The following USP18 variants were observed in gnomAD, a reference collection of about 807,000 sequenced individuals.
USP18 encodes ubl carboxyl-terminal hydrolase 18.
USP18 carries 11 observed loss-of-function variants against 48.7 expected under a neutral mutation model. The observed-to-expected ratio is 0.23, with a 90% CI of 0.14 to 0.37. USP18 has a LOEUF of 0.37. Among genes scored for constraint, USP18 ranks in the 10% least tolerant of loss-of-function variants. The pLI is 1.00. For missense variants in USP18, 285 were observed against 436.4 expected, an observed-to-expected ratio of 0.65 and a Z score of 3.09; for synonymous variants, 114 against 163.2, an observed-to-expected ratio of 0.70 and a Z score of 2.30.
chr22:18,160,242 T>C lies in USP18; in HGVS notation c.228T>C (p.Asn76=). The C allele has an allele frequency of 1.2e-6, 2 of 1,614,188 alleles. No homozygotes were observed. Among genetic ancestry groups the C allele is most frequent in the African/African-American group, 1.3e-5 (1 of 75,056 alleles). Reference sequence around the variant, plus strand: ...CCTTGATTCAGGTGTTCGTAATGAATGTGGACTTCACCAGGATATTGAAGA... The same window carrying C: ...CCTTGATTCAGGTGTTCGTAATGAACGTGGACTTCACCAGGATATTGAAGA... ...LNSLIQVFVM[N]VDFTRILKRI... is the part of the protein sequence containing the mutation. Residue 76 remains asparagine (N), a synonymous_variant, in exon 3 of 11, where the codon AAT becomes AAC. Transcript: ENST00000215794.
chr22:18,154,523 T>G (rs1355876721), intron 1 of USP18, among the ~76,000 whole-genome samples: 2 of 152,184 alleles, frequency 1.3e-5, no homozygotes, highest in Non-Finnish European at 2.9e-5. Context: ...CATAGTTCAG[T>G]GCAGCCTCAA....
At chr22:18,159,571 C>T (rs867594777) in intron 2 of USP18, among the ~76,000 whole-genome samples, 8 of 151,134 alleles carry the variant, frequency 5.3e-5, no homozygotes, top group Middle Eastern at 3.4e-3. Flanking sequence ...GATCTTGGCT[C>T]ACTGCAACCT....
At chr22:18,172,159 T>A (rs1490767918) in intron 8 of USP18, among the ~76,000 whole-genome samples, 1 of 152,146 alleles carries the variant, frequency 6.6e-6, no homozygotes, top group Non-Finnish European at 1.5e-5. Flanking sequence ...AAGTGTGTAG[T>A]GAAGGAAGAG....
At chr22:18,172,801 G>T (rs925398433) in intron 8 of USP18, among the ~76,000 whole-genome samples, 3 of 150,440 alleles carry the variant, frequency 2.0e-5, no homozygotes, top group Non-Finnish European at 3.0e-5. Context: ...GGCTGGGTAC[G>T]GTGGCTCAGG....
intron 4 of USP18, among the ~76,000 whole-genome samples, chr22:18,162,191 A>G (rs1425677397): frequency 1.3e-5 from 2 of 152,348 alleles, no homozygotes; most frequent in African/African-American, 2.4e-5. Flanking sequence ...ATCTCCTCCA[A>G]GCTTATTCCA....
At position 18,167,876 on chromosome 22, in the gene USP18, T is replaced by C; in HGVS notation, c.481-14T>C. ...TGGTGTTCCCATCTCACCTCTCCGC[T>C]CTCCCTCTTGCAGGTGGAGAGACTG... On this transcript the variant is annotated splice_polypyrimidine_tract_variant and intron_variant, in intron 5 of 10. Coordinates refer to ENST00000215794, the MANE Select transcript of USP18 (RefSeq NM_017414.4). The C allele has an allele frequency of 1.2e-6, 2 of 1,610,892 alleles. No homozygotes were observed. The highest frequency in any genetic ancestry group is 1.7e-4 in the Middle Eastern group (1 of 6,054).
chr22:18,152,395 C>T (rs1929022421), intron 1 of USP18, among the ~76,000 whole-genome samples: 1 of 151,126 alleles, frequency 6.6e-6, no homozygotes, highest in African/African-American at 2.4e-5. Flanking sequence ...CAGTTCCTTC[C>T]GTTGCTCACC....
intron 1 of USP18, among the ~76,000 whole-genome samples, chr22:18,156,257 TAAAACAGACC>T (rs1006452513): frequency 1.3e-5 from 2 of 151,956 alleles, no homozygotes; most frequent in African/African-American, 4.8e-5. Context: ...CAGCTCTCTG[TAAAACAGACC>T]AATTGGCTGT....
intron 8 of USP18, among the ~76,000 whole-genome samples, chr22:18,172,151 G>T (rs1022967086): frequency 1.3e-5 from 2 of 152,152 alleles, no homozygotes; most frequent in African/African-American, 4.8e-5. Context: ...AGATACCAAA[G>T]TGTGTAGTGA....
At chr22:18,172,794 T>C (rs2123742244) in intron 8 of USP18, among the ~76,000 whole-genome samples, 1 of 150,726 alleles carries the variant, frequency 6.6e-6, no homozygotes, top group Non-Finnish European at 1.5e-5. Flanking sequence ...CTTTTTTGGC[T>C]GGGTACGGTG....
chr22:18,174,696 C>T (rs780205962), intron 10 of USP18, among the ~76,000 whole-genome samples: 69 of 151,944 alleles, frequency 4.5e-4, no homozygotes, highest in Non-Finnish European at 8.1e-4. Flanking sequence ...ACAGGTGATC[C>T]TCCCACCTCA....
At chr22:18,164,370 G>A (rs1428761686) in intron 4 of USP18, among the ~76,000 whole-genome samples, 1 of 152,138 alleles carries the variant, frequency 6.6e-6, no homozygotes, top group African/African-American at 2.4e-5. Flanking sequence ...GCCCCTGTGG[G>A]ACTTACAAAT....
chr22:18,163,381 C>T (rs549969683), intron 4 of USP18, among the ~76,000 whole-genome samples: 15 of 152,182 alleles, frequency 9.9e-5, no homozygotes, highest in African/African-American at 1.4e-4. Context: ...CGGTGGCTCA[C>T]GCCTGTAATC....
chr22:18,167,752 C>T (rs1462377740), intron 5 of USP18, 138 bp from the exon 6 acceptor site: 17 of 831,254 alleles, frequency 2.0e-5, no homozygotes, highest in Non-Finnish European at 2.7e-5. Context: ...ACACTTATCA[C>T]AGTTTCATAA....
rs1929215806 is a variant in USP18 at position 18,157,896 on chromosome 22, C to G, written c.157+76C>G. ...GCTCACCCCCTCCGCTCTGAAGCCG[C>G]AGAGCTTTGTATTCGACGGCTCATG... is the stretch of plus-strand genomic sequence containing the variant. On this transcript the variant is annotated intron_variant, in intron 2 of 10. Coordinates refer to ENST00000215794, the MANE Select transcript of USP18 (RefSeq NM_017414.4). 2.5e-6 allele frequency: 4 copies of G among 1,577,940 alleles called. No individual in the cohort carries two copies. The Admixed American group carries it at 7.1e-5, about 28-fold the overall frequency.
At chr22:18,158,559 C>A (rs991216805) in intron 2 of USP18, among the ~76,000 whole-genome samples, 1 of 152,170 alleles carries the variant, frequency 6.6e-6, no homozygotes. Flanking sequence ...AGCCCTTTCC[C>A]CAAGAATCCT....
At chr22:18,173,700 T>C in intron 9 of USP18, 93 bp from the exon 10 acceptor site, 1 of 1,570,598 alleles carries the variant, frequency 6.4e-7, no homozygotes, top group Non-Finnish European at 8.7e-7. Flanking sequence ...GGGGTGGGCT[T>C]GTCTGGAGGA....
chr22:18,156,902 C>T (rs189953142), intron 1 of USP18, among the ~76,000 whole-genome samples: 200 of 152,332 alleles, frequency 1.3e-3, no homozygotes, highest in African/African-American at 4.4e-3. Flanking sequence ...ACTCCACTTA[C>T]CTCTTCTTCC....
intron 6 of USP18, among the ~76,000 whole-genome samples, chr22:18,168,436 G>A (rs767947801): frequency 6.7e-5 from 10 of 148,716 alleles, no homozygotes; most frequent in Non-Finnish European, 1.5e-4. Context: ...TTCCTCTGTT[G>A]CCCAGACTGA....
Sources: gnomAD v4.1 joint callset for allele counts (sites outside exome capture counted in the v4.1 genomes callset) on GRCh38, gnomAD v4.1.1 for gene constraint, MANE v1.5 for transcripts, NCBI Gene and HGNC (gene_info 2026-07-23, HGNC 2026-07-21) for gene names.